The following RAB27B variants were observed in gnomAD, a reference collection of about 807,000 sequenced individuals.
RAB27B encodes the protein RAB27B, member RAS oncogene family, also known as ras-related protein Rab-27B.
A neutral mutation model predicts 24.6 loss-of-function variants in RAB27B; 15 were observed. The observed-to-expected ratio is 0.61, with a 90% CI of 0.41 to 0.94. RAB27B has a LOEUF of 0.94. RAB27B is among the 40% of genes least tolerant of loss of function. RAB27B has a pLI of 0.00. For missense variants in RAB27B, 261 were observed against 266.8 expected (o/e 0.98, Z 0.15); for synonymous variants, 105 against 92.5 (o/e 1.14, Z -0.78).
At chr18:54,887,570 T>G (rs964836114) in intron 4 of RAB27B, among the ~76,000 whole-genome samples, 15 of 152,124 alleles carry the variant, frequency 9.9e-5, no homozygotes, top group African/African-American at 3.4e-4. Context: ...AATTACTTAA[T>G]AATAAAAGCA....
At chr18:54,846,801 A>G (rs887108595) in intron 1 of RAB27B, among the ~76,000 whole-genome samples, 2 of 152,208 alleles carry the variant, frequency 1.3e-5, no homozygotes, top group Non-Finnish European at 2.9e-5. Context: ...AATGTTTCTC[A>G]TTGTAGTTTT....
intron 2 of RAB27B, among the ~76,000 whole-genome samples, chr18:54,755,346 C>T (rs913462364): frequency 2.0e-5 from 3 of 152,064 alleles, no homozygotes; most frequent in Non-Finnish European, 2.9e-5. Flanking sequence ...GCTGAGATCG[C>T]ACCAGTGCAC....
chr18:54,758,621 C>T (rs772316973), intron 2 of RAB27B, among the ~76,000 whole-genome samples: 47 of 124,572 alleles, frequency 3.8e-4, no homozygotes, highest in Admixed American at 4.6e-4. Flanking sequence ...AGCTTGCAAG[C>T]GACCAAAAAC....
chr18:54,778,987 G>A (rs568192205), intron 2 of RAB27B, among the ~76,000 whole-genome samples: 11 of 151,908 alleles, frequency 7.2e-5, no homozygotes, highest in African/African-American at 1.9e-4. Flanking sequence ...CTACAGGTGC[G>A]CACCACCACA....
intron 2 of RAB27B, among the ~76,000 whole-genome samples, chr18:54,804,737 G>T (rs1306882916): frequency 2.0e-5 from 3 of 152,146 alleles, no homozygotes; most frequent in Non-Finnish European, 4.4e-5. Context: ...ATATTTTTCA[G>T]ACAACTGGCC....
chr18:54,868,603 CGTT>C (rs9319919), intron 1 of RAB27B, among the ~76,000 whole-genome samples: 10 of 150,922 alleles, frequency 6.6e-5, no homozygotes, highest in South Asian at 4.3e-4. Flanking sequence ...CTCTCAGTTT[CGTT>C]GTTGTTGTTG....
chr18:54,832,819 T>C (rs1338120016), intron 1 of RAB27B, among the ~76,000 whole-genome samples: 1 of 152,074 alleles, frequency 6.6e-6, no homozygotes, highest in Non-Finnish European at 1.5e-5. Context: ...GAAGTGATGA[T>C]TGCATGTGGC....
intron 2 of RAB27B, among the ~76,000 whole-genome samples, chr18:54,747,855 C>T (rs1343789093): frequency 1.3e-5 from 2 of 152,220 alleles, no homozygotes; most frequent in East Asian, 1.9e-4. Flanking sequence ...TGCCTATAGT[C>T]CCAGTACTTT....
chr18:54,881,121 C>G, intron 3 of RAB27B, among the ~76,000 whole-genome samples: 1 of 152,118 alleles, frequency 6.6e-6, no homozygotes, highest in East Asian at 1.9e-4. Context: ...GGGTCTGTTT[C>G]TTCTGTGATC....
Position 54,892,462 on chromosome 18 carries a change from A to G in RAB27B, c.*3049A>G, listed in dbSNP as rs1392061109. ...TTAACTGCCTTCTCTTGGTCTCCTCACTTACTTCTTATGAAGTTGGCATTA... is the reference window on the plus strand; with the variant it reads ...TTAACTGCCTTCTCTTGGTCTCCTCGCTTACTTCTTATGAAGTTGGCATTA... On this transcript the variant is annotated 3_prime_UTR_variant, in exon 6 of 6. Coordinates refer to ENST00000262094, the MANE Select transcript of RAB27B (RefSeq NM_004163.4). The G allele has an allele frequency of 6.6e-6, 1 of 152,020 alleles. No individual in the cohort carries two copies. Among genetic ancestry groups the G allele is most frequent in the Non-Finnish European group, 1.5e-5 (1 of 67,962 alleles). The allele number at this position is 152,020 out of a possible 1,614,324, so 9.4% of individuals were successfully genotyped here.
chr18:54,820,926 T>C (rs1319202480), intron 2 of RAB27B, among the ~76,000 whole-genome samples: 4 of 152,214 alleles, frequency 2.6e-5, no homozygotes, highest in Non-Finnish European at 4.4e-5. Context: ...CAGATGGTTG[T>C]AGATATGCGG....
chr18:54,754,555 C>A (rs1420920576), intron 2 of RAB27B, among the ~76,000 whole-genome samples: 1 of 152,126 alleles, frequency 6.6e-6, no homozygotes, highest in African/African-American at 2.4e-5. Flanking sequence ...CAGAGTAGGG[C>A]GTCCTCAGAA....
chr18:54,801,736 A>G (rs1909618265), intron 2 of RAB27B, among the ~76,000 whole-genome samples: 1 of 152,216 alleles, frequency 6.6e-6, no homozygotes. Context: ...ATAACCAGCC[A>G]TTGCCACAGG....
chr18:54,778,683 AG>A (rs1011756187), intron 2 of RAB27B, among the ~76,000 whole-genome samples: 16 of 152,156 alleles, frequency 1.1e-4, no homozygotes, highest in African/African-American at 3.1e-4. Flanking sequence ...GCTTTAACCC[AG>A]TTTTCTGCCC....
At chr18:54,776,637 T>C (rs939071323) in intron 2 of RAB27B, among the ~76,000 whole-genome samples, 2 of 152,224 alleles carry the variant, frequency 1.3e-5, no homozygotes, top group Non-Finnish European at 2.9e-5. Flanking sequence ...AACAATGTTC[T>C]GCAGTTGTTG....
intron 1 of RAB27B, among the ~76,000 whole-genome samples, chr18:54,838,786 G>A (rs1444450888): frequency 1.3e-5 from 2 of 152,032 alleles, no homozygotes; most frequent in African/African-American, 4.8e-5. Flanking sequence ...CAATCTTGTG[G>A]TCTTTAATTT....
intron 2 of RAB27B, among the ~76,000 whole-genome samples, chr18:54,815,716 A>G (rs1468690983): frequency 6.6e-6 from 1 of 152,140 alleles, no homozygotes; most frequent in African/African-American, 2.4e-5. Flanking sequence ...AAACCACCCA[A>G]AGCAATTCAT....
At chr18:54,844,113 A>G (rs1014760234) in intron 1 of RAB27B, among the ~76,000 whole-genome samples, 8 of 151,384 alleles carry the variant, frequency 5.3e-5, no homozygotes, top group African/African-American at 2.0e-4. Context: ...AAAACACAAC[A>G]TATAGATATA....
At chr18:54,801,008 G>GTTTTTTT (rs11363761) in intron 2 of RAB27B, among the ~76,000 whole-genome samples, 35 of 93,082 alleles carry the variant, frequency 3.8e-4, no homozygotes, top group South Asian at 2.2e-3. Context: ...TTGTTCCTGT[G>GTTTTTTT]TTTTTTTTTT....
Sources: allele counts gnomAD v4.1 joint callset (sites outside exome capture counted in the v4.1 genomes callset), GRCh38; gene constraint gnomAD v4.1.1; transcripts MANE v1.5; gene names NCBI Gene and HGNC (gene_info 2026-07-23, HGNC 2026-07-21).